ZFP91: variants seen among roughly 807,000 people sequenced by gnomAD.
The protein encoded by ZFP91 is E3 ubiquitin-protein ligase ZFP91.
A neutral mutation model predicts 63.5 loss-of-function variants in ZFP91; 7 were observed. The observed-to-expected ratio is 0.11, with a 90% CI of 0.06 to 0.21. The LOEUF (loss-of-function observed/expected upper bound fraction) is 0.21, where lower values mean the gene tolerates loss of function less well. Among genes scored for constraint, ZFP91 ranks in the 10% least tolerant of loss-of-function variants. The pLI, the probability that ZFP91 is intolerant of heterozygous loss-of-function variation, is 1.00. For missense variants in ZFP91, 628 were observed against 736.6 expected (o/e 0.85, Z 1.71); for synonymous variants, 330 against 272.1 (o/e 1.21, Z -2.10).
At chr11:58,613,170 G>T (rs2134422153) in intron 8 of ZFP91, among the ~76,000 whole-genome samples, 1 of 152,144 alleles carries the variant, frequency 6.6e-6, no homozygotes, top group Non-Finnish European at 1.5e-5. Flanking sequence ...CCTGAGACTG[G>T]GTAATTTACA....
At position 58,618,842 on chromosome 11, in the gene ZFP91, C is replaced by T. The variant is rs1176963206; in HGVS notation, c.*1136C>T. 1 of 345,504 alleles carries T rather than the reference C, an allele frequency of 2.9e-6. No homozygotes were observed. The highest frequency in any genetic ancestry group is 2.2e-5 in the African/African-American group (1 of 45,844). The allele number at this position is 345,504 out of a possible 1,614,324, so 21.4% of individuals were successfully genotyped here. A position where few individuals can be genotyped will look rare whatever the true frequency, so the allele number is the denominator to read the frequency against. ...TGTTAGGTTCATGGTAACTAGTATG[C>T]TCTTTGAGATTTTTACAGTGTTGAA... On this transcript the variant is annotated 3_prime_UTR_variant, in exon 11 of 11. Coordinates refer to ENST00000316059, the MANE Select transcript of ZFP91 (RefSeq NM_053023.5).
At chr11:58,596,319 G>T (rs1855403310) in intron 2 of ZFP91, among the ~76,000 whole-genome samples, 1 of 152,150 alleles carries the variant, frequency 6.6e-6, no homozygotes, top group Non-Finnish European at 1.5e-5. Flanking sequence ...GGAGTGGCAG[G>T]AACATTTGGC....
intron 7 of ZFP91, 85 bp downstream of exon 7, chr11:58,612,413 G>T: frequency 1.5e-6 from 2 of 1,367,746 alleles, no homozygotes; most frequent in Non-Finnish European, 1.0e-6. Context: ...TGATAATCCT[G>T]CAGGAATGGC....
rs1034945989 is a variant in ZFP91 at position 58,621,363 on chromosome 11, C to A, written c.*3657C>A. ...AATTTTACCCTGATAATGACAAAAC[C>A]TTGATAGCATTTAATATTAATACTT... is the stretch of plus-strand genomic sequence containing the variant. On this transcript the variant is annotated 3_prime_UTR_variant, in exon 11 of 11. Transcript: ENST00000316059. 6.6e-6 allele frequency among the ~76,000 whole-genome samples: 1 copy of A among 152,040 alleles called. No individual in the cohort carries two copies. The highest frequency in any genetic ancestry group is 2.4e-5 in the African/African-American group (1 of 41,382).
intron 1 of ZFP91, among the ~76,000 whole-genome samples, chr11:58,584,432 C>T (rs1362448754): frequency 6.6e-6 from 1 of 152,072 alleles, no homozygotes; most frequent in African/African-American, 2.4e-5. Context: ...ACATCCCAAA[C>T]ATCATTTCAT....
chr11:58,580,622 TAC>T (rs1401589861), intron 1 of ZFP91, among the ~76,000 whole-genome samples: 2 of 152,206 alleles, frequency 1.3e-5, no homozygotes, highest in African/African-American at 4.8e-5. Context: ...AGGTTTGACT[TAC>T]ACCAGACCTA....
intron 2 of ZFP91, among the ~76,000 whole-genome samples, chr11:58,599,315 T>G (rs1855456550): frequency 6.6e-6 from 1 of 151,968 alleles, no homozygotes; most frequent in Non-Finnish European, 1.5e-5. Context: ...ATTTTTGGTG[T>G]ATGTACCTAG....
intron 3 of ZFP91, 113 bp from the exon 4 acceptor site, chr11:58,610,185 C>G (rs943331205): frequency 1.4e-6 from 2 of 1,421,102 alleles, no homozygotes; most frequent in African/African-American, 2.8e-5. Flanking sequence ...TGCAGATATT[C>G]TGCTTTTGTA....
intron 2 of ZFP91, among the ~76,000 whole-genome samples, chr11:58,588,578 G>A (rs1855250508): frequency 6.6e-6 from 1 of 151,982 alleles, no homozygotes; most frequent in African/African-American, 2.4e-5. Flanking sequence ...TATTTTTCAT[G>A]TATTGAAATA....
chr11:58,611,224 TAATC>T (rs1855656554), intron 5 of ZFP91, 170 bp downstream of exon 5: 1 of 523,596 alleles, frequency 1.9e-6, no homozygotes, highest in South Asian at 4.1e-5. Context: ...ACCCTGATAA[TAATC>T]CTCTTTCCCA....
chr11:58,581,641 G>A (rs535308118), intron 1 of ZFP91, among the ~76,000 whole-genome samples: 26 of 152,312 alleles, frequency 1.7e-4, no homozygotes, highest in East Asian at 9.6e-4. Context: ...GATTACAGGC[G>A]TGAGCCACTG....
intron 2 of ZFP91, among the ~76,000 whole-genome samples, chr11:58,605,225 T>C (rs149664161): frequency 1.3e-5 from 2 of 152,360 alleles, no homozygotes; most frequent in East Asian, 1.9e-4. Context: ...ATTTATGTTA[T>C]TGTTGCAAAG....
chr11:58,585,241 T>A (rs1035483905), intron 2 of ZFP91, among the ~76,000 whole-genome samples: 4 of 152,188 alleles, frequency 2.6e-5, no homozygotes, highest in Non-Finnish European at 5.9e-5. Flanking sequence ...GGGTGAAGAA[T>A]GCTGAGTGTT....
In ZFP91 at chr11:58,619,932, T is replaced by C. The variant is rs1003070111; in HGVS notation, c.*2226T>C. 1.3e-5 allele frequency: 2 copies of C among 152,240 alleles called. No individual in the cohort carries two copies. The highest frequency in any genetic ancestry group is 2.9e-5 in the Non-Finnish European group (2 of 68,034). The allele number at this position is 152,240 out of a possible 1,614,324, so 9.4% of individuals were successfully genotyped here. On this transcript the variant is annotated 3_prime_UTR_variant, in exon 11 of 11. Coordinates refer to ENST00000316059, the MANE Select transcript of ZFP91 (RefSeq NM_053023.5). ...CCACACTTAGCTTTTTTGTCACACTTATCCTTTGTCTCCGTAAATTTCATT... is the reference window on the plus strand; with the variant it reads ...CCACACTTAGCTTTTTTGTCACACTCATCCTTTGTCTCCGTAAATTTCATT...
At chr11:58,603,885 C>A (rs951018323) in intron 2 of ZFP91, among the ~76,000 whole-genome samples, 1 of 152,170 alleles carries the variant, frequency 6.6e-6, no homozygotes, top group Non-Finnish European at 1.5e-5. Flanking sequence ...ATCAGCTCCA[C>A]AGATGGAGAA....
intron 2 of ZFP91, among the ~76,000 whole-genome samples, chr11:58,589,705 C>T (rs1855272688): frequency 1.3e-5 from 2 of 152,196 alleles, no homozygotes; most frequent in African/African-American, 4.8e-5. Context: ...TATTATTTCT[C>T]TTAGTATGAG....
Position 58,618,564 on chromosome 11 carries a change from A to G in ZFP91, c.*858A>G, listed in dbSNP as rs1855791946. The G allele has an allele frequency of 2.4e-6, 1 of 408,902 alleles. No homozygotes were observed. Among genetic ancestry groups the G allele is most frequent in the Non-Finnish European group, 4.8e-6 (1 of 209,912 alleles). 25.3% of individuals were successfully genotyped at this position (408,902 alleles called of 1,614,324 possible). ...GGAACCTGAGATTCCTTATTTATTA[A>G]CAGGAAGTCTGATTTTTTTTTTTTG... On this transcript the variant is annotated 3_prime_UTR_variant, in exon 11 of 11. Coordinates refer to ENST00000316059, the MANE Select transcript of ZFP91 (RefSeq NM_053023.5).
intron 2 of ZFP91, among the ~76,000 whole-genome samples, chr11:58,609,358 T>C (rs1479173127): frequency 6.6e-6 from 1 of 152,230 alleles, no homozygotes; most frequent in African/African-American, 2.4e-5. Flanking sequence ...AGAAAAACTC[T>C]TGATTAGAGT....
chr11:58,580,912 A>G (rs1358194811), intron 1 of ZFP91, among the ~76,000 whole-genome samples: 1 of 152,202 alleles, frequency 6.6e-6, no homozygotes, highest in African/African-American at 2.4e-5. Context: ...CATCTTACAA[A>G]AATTTTATAG....
Sources: gnomAD v4.1 joint callset for allele counts (sites outside exome capture counted in the v4.1 genomes callset) on GRCh38, gnomAD v4.1.1 for gene constraint, MANE v1.5 for transcripts, NCBI Gene and HGNC (gene_info 2026-07-23, HGNC 2026-07-21) for gene names.